Variants in AP4E1 observed in about 807,000 individuals in gnomAD.
AP4E1 encodes adaptor related protein complex 4 subunit epsilon 1, also known as AP-4 complex subunit epsilon-1.
AP4E1 carries 56 observed loss-of-function variants against 128.2 expected under a neutral mutation model. The ratio of observed to expected loss-of-function variants is 0.44; its 90% CI spans 0.35 to 0.55. The LOEUF (loss-of-function observed/expected upper bound fraction) is 0.55. AP4E1 is among the 20% of genes least tolerant of loss of function. The pLI is 0.00. For synonymous variants in AP4E1, 484 were observed against 473.1 expected, an observed-to-expected ratio of 1.02 and a Z score of -0.30; for missense variants, 1,324 against 1,307.7, an observed-to-expected ratio of 1.01 and a Z score of -0.19.
In AP4E1 at chr15:50,924,016, T is replaced by C. The variant is rs1463142149; in HGVS notation, c.420+12T>C. On this transcript the variant is annotated intron_variant, in intron 4 of 20. Transcript: ENST00000261842. ...ATACAGTTGTAAAGGTATTGTATTG[T>C]ATGTTGGTTAATATGAAGTCATAAT... 11 of 1,587,776 alleles carry C rather than the reference T, an allele frequency of 6.9e-6. No individual in the cohort carries two copies. Among genetic ancestry groups the C allele is most frequent in the Non-Finnish European group, 9.5e-6 (11 of 1,156,700 alleles).
intron 16 of AP4E1, among the ~76,000 whole-genome samples, chr15:50,986,368 G>T (rs1319991895): frequency 6.6e-6 from 1 of 152,096 alleles, no homozygotes; most frequent in Non-Finnish European, 1.5e-5. Flanking sequence ...GTGAGAGAGG[G>T]CATCCCTGTC....
chr15:50,992,288 G>T (rs1473992151), intron 16 of AP4E1, among the ~76,000 whole-genome samples: 1 of 152,128 alleles, frequency 6.6e-6, no homozygotes, highest in African/African-American at 2.4e-5. Context: ...GCTATTAGTA[G>T]TTAAGTTTTG....
At chr15:50,945,006 C>T (rs905433920) in intron 10 of AP4E1, 21 of 769,214 alleles carry the variant, frequency 2.7e-5, no homozygotes, top group African/African-American at 2.1e-4. Flanking sequence ...ATAAGGAATA[C>T]GTACTCACTT....
chr15:50,937,999 A>T (rs1378094520), intron 8 of AP4E1, among the ~76,000 whole-genome samples: 1 of 152,190 alleles, frequency 6.6e-6, no homozygotes. Flanking sequence ...AGTACAAGGG[A>T]CAAAAGCCAT....
At chr15:50,919,044 C>T (rs1411030280) in intron 3 of AP4E1, among the ~76,000 whole-genome samples, 1 of 151,642 alleles carries the variant, frequency 6.6e-6, no homozygotes, top group East Asian at 1.9e-4. Context: ...GCCTGGCAAA[C>T]ATGGTGAAAC....
chr15:50,946,373 A>G (rs1166152349), intron 10 of AP4E1, among the ~76,000 whole-genome samples: 1 of 152,212 alleles, frequency 6.6e-6, no homozygotes, highest in Non-Finnish European at 1.5e-5. Context: ...AATTACAATG[A>G]TGTTTCTTCC....
At chr15:50,999,286 T>C (rs761075441) in intron 19 of AP4E1, 24 bp downstream of exon 19, 3 of 1,589,660 alleles carry the variant, frequency 1.9e-6, no homozygotes, top group Non-Finnish European at 2.6e-6. Context: ...GAAATGTTAA[T>C]TCAAGTTGTT....
At chr15:50,979,788 G>A (rs1277783595) in intron 15 of AP4E1, among the ~76,000 whole-genome samples, 1 of 152,092 alleles carries the variant, frequency 6.6e-6, no homozygotes, top group Non-Finnish European at 1.5e-5. Flanking sequence ...ACCTCCCAAA[G>A]TGCTGGAATT....
intron 10 of AP4E1, 49 bp downstream of exon 10, chr15:50,941,824 A>G: frequency 3.5e-6 from 5 of 1,439,990 alleles, no homozygotes; most frequent in Middle Eastern, 1.8e-4. Flanking sequence ...AATTTTTAAA[A>G]ATTTTGTTGG....
chr15:50,933,801 A>G (rs2063867799), intron 7 of AP4E1, among the ~76,000 whole-genome samples: 1 of 152,194 alleles, frequency 6.6e-6, no homozygotes, highest in Non-Finnish European at 1.5e-5. Flanking sequence ...ATTAATTTAT[A>G]TAGTCCCAAA....
At chr15:50,926,853 G>A (rs1187573539) in intron 5 of AP4E1, among the ~76,000 whole-genome samples, 2 of 152,148 alleles carry the variant, frequency 1.3e-5, no homozygotes, top group East Asian at 3.9e-4. Flanking sequence ...GCCTCCCAAA[G>A]TGCTGGGCTT....
chr15:51,002,773 C>A lies in AP4E1; in HGVS notation c.*111C>A. 7.5e-7 allele frequency: 1 copy of A among 1,331,176 alleles called. No homozygotes were observed. The highest frequency in any genetic ancestry group is 1.1e-6 in the Non-Finnish European group (1 of 952,276). 82.5% of individuals were successfully genotyped at this position (1,331,176 alleles called of 1,614,324 possible). A position where few individuals can be genotyped will look rare whatever the true frequency, so the allele number is the denominator to read the frequency against. On this transcript the variant is annotated 3_prime_UTR_variant, in exon 21 of 21. Coordinates refer to ENST00000261842, the MANE Select transcript of AP4E1 (RefSeq NM_007347.5). ...CTTCTAATGAAAATGGGGATTATTACAAGTGTGGTTTATATGTTTTCTTTG... is the reference window on the plus strand; with the variant it reads ...CTTCTAATGAAAATGGGGATTATTAAAAGTGTGGTTTATATGTTTTCTTTG...
At chr15:50,987,959 A>C (rs1205400703) in intron 16 of AP4E1, among the ~76,000 whole-genome samples, 3 of 152,128 alleles carry the variant, frequency 2.0e-5, no homozygotes, top group Non-Finnish European at 4.4e-5. Context: ...TTATTGCTAC[A>C]TATTATATAT....
chr15:50,940,098 T>A (rs940710230), intron 8 of AP4E1, among the ~76,000 whole-genome samples: 9 of 152,236 alleles, frequency 5.9e-5, no homozygotes, highest in Non-Finnish European at 1.2e-4. Flanking sequence ...TCTCCATTCC[T>A]GCCTTATCTT....
rs185580526 is a variant in AP4E1 at position 50,926,993 on chromosome 15, T to A, written c.542+1774T>A. 2.6e-5 allele frequency among the ~76,000 whole-genome samples: 4 copies of A among 152,374 alleles called. No homozygotes were observed. In the East Asian group the frequency reaches 7.7e-4, roughly 29 times the overall value. ...CTTCATAGGTCTTTCAGACTTTTTA[T>A]GTATTGTATATCATATCTGTGTTTA... On this transcript the variant is annotated intron_variant, in intron 5 of 20. Transcript: ENST00000261842.
rs1030959329 is a variant in AP4E1 at position 51,003,499 on chromosome 15, T to G, written c.*837T>G. 6.6e-6 allele frequency: 1 copy of G among 152,272 alleles called. No homozygotes were observed. The highest frequency in any genetic ancestry group is 1.5e-5 in the Non-Finnish European group (1 of 68,048). 9.4% of individuals were successfully genotyped at this position (152,272 alleles called of 1,614,324 possible). A position where few individuals can be genotyped will look rare whatever the true frequency, so the allele number is the denominator to read the frequency against. On this transcript the variant is annotated 3_prime_UTR_variant, in exon 21 of 21. Coordinates refer to ENST00000261842, the MANE Select transcript of AP4E1 (RefSeq NM_007347.5). ...TTAGGTCCTTTTGGCAAATGAAAAT[T>G]TGTGATTAGAGTATAAATGGCAAAA...
chr15:50,960,004 GA>G (rs35206636), intron 14 of AP4E1, among the ~76,000 whole-genome samples: 31,637 of 151,600 alleles, frequency 0.21, 3,859 homozygotes, highest in East Asian at 0.45. Flanking sequence ...AATGGACTTG[GA>G]AAAAAAATAT....
chr15:50,933,271 C>T (rs554234070), intron 7 of AP4E1, among the ~76,000 whole-genome samples: 1 of 152,212 alleles, frequency 6.6e-6, no homozygotes, highest in South Asian at 2.1e-4. Context: ...TTTATTTTAA[C>T]ATAAATCTTA....
At chr15:50,951,743 T>G (rs1046587044) in intron 13 of AP4E1, among the ~76,000 whole-genome samples, 2 of 150,624 alleles carry the variant, frequency 1.3e-5, no homozygotes, top group East Asian at 1.9e-4. Flanking sequence ...TTTTTTTTTT[T>G]TGAGACAGAG....
Sources: gnomAD v4.1 joint callset for allele counts (sites outside exome capture counted in the v4.1 genomes callset) on GRCh38, gnomAD v4.1.1 for gene constraint, MANE v1.5 for transcripts, NCBI Gene and HGNC (gene_info 2026-07-23, HGNC 2026-07-21) for gene names.